The following UBE2E2 variants were observed in gnomAD, a reference collection of about 807,000 sequenced individuals.
UBE2E2 encodes ubiquitin-conjugating enzyme E2 E2.
A neutral mutation model predicts 24.7 loss-of-function variants in UBE2E2; 6 were observed. The ratio of observed to expected loss-of-function variants is 0.24; its 90% CI spans 0.13 to 0.48. The LOEUF (loss-of-function observed/expected upper bound fraction) is 0.48. Ranked by LOEUF, UBE2E2 falls within the 20% of genes least tolerant of loss-of-function variation. The pLI is 0.99. For missense variants in UBE2E2, 169 were observed against 245.0 expected (o/e 0.69, Z 2.07); for synonymous variants, 104 against 83.6 (o/e 1.24, Z -1.33).
intron 3 of UBE2E2, among the ~76,000 whole-genome samples, chr3:23,414,501 C>T (rs768470683): frequency 5.3e-5 from 8 of 152,190 alleles, no homozygotes; most frequent in Non-Finnish European, 1.2e-4. Flanking sequence ...CAGGCCCCAC[C>T]TCCAACAATG....
chr3:23,418,760 A>G (rs1697716210), intron 3 of UBE2E2, among the ~76,000 whole-genome samples: 1 of 152,204 alleles, frequency 6.6e-6, no homozygotes, highest in South Asian at 2.1e-4. Flanking sequence ...CTTCAGAACA[A>G]CAGTGAAGAA....
intron 3 of UBE2E2, among the ~76,000 whole-genome samples, chr3:23,233,496 T>G (rs1282959457): frequency 1.3e-5 from 2 of 152,164 alleles, no homozygotes; most frequent in Non-Finnish European, 2.9e-5. Context: ...CTTTGGAAAT[T>G]TTTAGAGTTT....
At chr3:23,476,978 CTATCTT>C (rs1699153875) in intron 3 of UBE2E2, among the ~76,000 whole-genome samples, 1 of 152,056 alleles carries the variant, frequency 6.6e-6, no homozygotes, top group Non-Finnish European at 1.5e-5. Context: ...AAAATATTCT[CTATCTT>C]TATTTTAACA....
In UBE2E2 at chr3:23,419,626, C is replaced by T. The variant is rs192961329; in HGVS notation, c.228-79982C>T. Among the ~76,000 whole-genome samples the T allele has an allele frequency of 3.9e-5, 6 of 152,274 alleles. No individual in the cohort carries two copies. In the East Asian group the frequency reaches 1.2e-3, roughly 29 times the overall value. On this transcript the variant is annotated intron_variant, in intron 3 of 5. Transcript: ENST00000396703. ...TGCAGAGATTATTTCCACTTGCCTG[C>T]CGTGCATAGTTTTGAAAAAAGCCAA...
intron 3 of UBE2E2, among the ~76,000 whole-genome samples, chr3:23,388,944 G>A (rs2125358702): frequency 1.3e-5 from 2 of 150,962 alleles, no homozygotes; most frequent in Middle Eastern, 6.8e-3. Context: ...GGAGGTTGCA[G>A]TGAGCCAAGA....
chr3:23,352,127 A>G (rs1342262712), intron 3 of UBE2E2, among the ~76,000 whole-genome samples: 4 of 152,216 alleles, frequency 2.6e-5, no homozygotes, highest in African/African-American at 9.7e-5. Flanking sequence ...CTGCTCCTGA[A>G]TGACTACTGG....
chr3:23,563,839 A>G (rs1485282055), intron 5 of UBE2E2, among the ~76,000 whole-genome samples: 1 of 152,030 alleles, frequency 6.6e-6, no homozygotes, highest in East Asian at 1.9e-4. Context: ...TTTCCGTAAG[A>G]CTGCATTGTT....
intron 5 of UBE2E2, among the ~76,000 whole-genome samples, chr3:23,553,452 G>T (rs1321319089): frequency 6.6e-6 from 1 of 152,060 alleles, no homozygotes; most frequent in Admixed American, 6.6e-5. Flanking sequence ...TAGGGCCTTT[G>T]TTTTGGTCGA....
At position 23,231,702 on chromosome 3, in the gene UBE2E2, C is replaced by T. The variant is rs148268373; in HGVS notation, c.227+14390C>T. 2.8e-3 allele frequency among the ~76,000 whole-genome samples: 427 copies of T among 152,276 alleles called. 3 individuals are homozygous for T. Among genetic ancestry groups the T allele is most frequent in the African/African-American group, 9.9e-3 (411 of 41,556 alleles). On this transcript the variant is annotated intron_variant, in intron 3 of 5. Coordinates refer to ENST00000396703, the MANE Select transcript of UBE2E2 (RefSeq NM_152653.4). Reference sequence around the variant, plus strand: ...AGTCACAAGTCCAGGCCTCTTGGAACGTCTGACTGACTTGCTTCAAATTAG... The same window carrying T: ...AGTCACAAGTCCAGGCCTCTTGGAATGTCTGACTGACTTGCTTCAAATTAG...
At chr3:23,563,239 A>G (rs1257871076) in intron 5 of UBE2E2, among the ~76,000 whole-genome samples, 4 of 152,148 alleles carry the variant, frequency 2.6e-5, no homozygotes. Flanking sequence ...ACACTGCTTT[A>G]AATGTGTCCT....
chr3:23,562,627 T>C lies in UBE2E2; in HGVS notation c.509-27107T>C, dbSNP rs544245155. Among the ~76,000 whole-genome samples, 4 of 152,326 alleles carry C rather than the reference T, an allele frequency of 2.6e-5. No individual in the cohort carries two copies. In the East Asian group the frequency reaches 7.7e-4, roughly 29 times the overall value. ...TTCCCTCTTTTTCTATTGATTGGAA[T>C]AGTTTCAGAAGGAATGGTATCAGCT... On this transcript the variant is annotated intron_variant, in intron 5 of 5. Transcript: ENST00000396703.
chr3:23,221,746 C>T (rs1696650658), intron 3 of UBE2E2, among the ~76,000 whole-genome samples: 4 of 152,074 alleles, frequency 2.6e-5, no homozygotes, highest in Admixed American at 2.6e-4. Context: ...AAGCGATTCT[C>T]CTGGGTCAGC....
chr3:23,212,940 T>C (rs2125319091), intron 2 of UBE2E2, among the ~76,000 whole-genome samples: 2 of 152,230 alleles, frequency 1.3e-5, no homozygotes, highest in Middle Eastern at 6.8e-3. Context: ...GCAATGTGTT[T>C]TCTAAAGATT....
chr3:23,422,967 C>G (rs77441071), intron 3 of UBE2E2, among the ~76,000 whole-genome samples: 1 of 152,122 alleles, frequency 6.6e-6, no homozygotes, highest in Non-Finnish European at 1.5e-5. Flanking sequence ...GAGTTATCAC[C>G]TTCCCATACT....
chr3:23,558,119 A>C (rs898436960), intron 5 of UBE2E2, among the ~76,000 whole-genome samples: 3 of 152,224 alleles, frequency 2.0e-5, no homozygotes, highest in African/African-American at 7.2e-5. Context: ...GGTTTCACCT[A>C]ATGAGATAAG....
intron 5 of UBE2E2, among the ~76,000 whole-genome samples, chr3:23,575,286 T>C (rs1662057092): frequency 1.3e-5 from 2 of 152,322 alleles, no homozygotes; most frequent in Non-Finnish European, 2.9e-5. Context: ...GTGATGATGT[T>C]ATGCTTACTA....
At chr3:23,579,611 G>A (rs762878517) in intron 5 of UBE2E2, among the ~76,000 whole-genome samples, 2 of 148,610 alleles carry the variant, frequency 1.3e-5, no homozygotes, top group African/African-American at 2.5e-5. Flanking sequence ...GATACAGGAG[G>A]ATCACTTGAG....
chr3:23,225,465 AT>A lies in UBE2E2; in HGVS notation c.227+8158del, dbSNP rs545021147. Among the ~76,000 whole-genome samples, 43 of 152,108 alleles carry A rather than the reference AT, an allele frequency of 2.8e-4. No homozygotes were observed. The East Asian group carries it at 7.9e-3, about 28-fold the overall frequency. On this transcript the variant is annotated intron_variant, in intron 3 of 5. Transcript: ENST00000396703. Reference sequence around the variant, plus strand: ...TTGGTTTCTGATCCTTTTTCAGTTAATTTTTGTATGTGGTATGAGATTAGAG... The same window carrying A: ...TTGGTTTCTGATCCTTTTTCAGTTAATTTTGTATGTGGTATGAGATTAGAG...
At chr3:23,493,129 G>A (rs1699534467) in intron 3 of UBE2E2, among the ~76,000 whole-genome samples, 1 of 152,098 alleles carries the variant, frequency 6.6e-6, no homozygotes, top group Non-Finnish European at 1.5e-5. Context: ...CATTGCCGAG[G>A]CATCCTTCCT....
Sources: gnomAD v4.1 joint callset for allele counts (sites outside exome capture counted in the v4.1 genomes callset) on GRCh38, gnomAD v4.1.1 for gene constraint, MANE v1.5 for transcripts, NCBI Gene and HGNC (gene_info 2026-07-23, HGNC 2026-07-21) for gene names.